Variants in LRP4 observed in about 807,000 individuals in gnomAD.
The protein encoded by LRP4 is low-density lipoprotein receptor-related protein 4.
A neutral mutation model predicts 220.3 loss-of-function variants in LRP4; 95 were observed. The observed-to-expected ratio is 0.43, with a 90% confidence interval of 0.37 to 0.51. The LOEUF (loss-of-function observed/expected upper bound fraction) is 0.51. Among genes scored for constraint, LRP4 ranks in the 20% least tolerant of loss-of-function variants. The pLI is 0.00. For synonymous variants in LRP4, 903 were observed against 954.6 expected (o/e 0.95, Z 1.00); for missense variants, 1,925 against 2,567.0 (o/e 0.75, Z 5.40).
intron 9 of LRP4, 52 bp downstream of exon 9, chr11:46,896,158 G>C: frequency 2.5e-6 from 4 of 1,611,240 alleles, no homozygotes; most frequent in Non-Finnish European, 3.4e-6. Context: ...AACCCTATGG[G>C]TGGGGTTCGG....
In LRP4 at chr11:46,902,839, T is replaced by G. The variant is rs1309344878; in HGVS notation, c.143A>C (p.Gln48Pro). The G allele has an allele frequency of 1.2e-6, 2 of 1,613,986 alleles. No homozygotes were observed. Among genetic ancestry groups the G allele is most frequent in the Non-Finnish European group, 1.7e-6 (2 of 1,180,034 alleles). The part of the protein sequence containing the change: ...ALGECTCIPA[Q>P]WQCDGDNDCG... The stretch of plus-strand genomic sequence containing the variant: ...GTCATTGTCTCCATCACACTGCCAC[T>G]GGGCAGGGATGCAGGTACACTCTCC... The change falls in exon 2 of 38, where the codon CAG (glutamine) becomes CCG (proline). Residue 48 changes from glutamine (Q) to proline (P), a missense_variant. This residue lies in a region of LRP4 where 412 missense variants were observed against 505.4 expected (regional missense o/e 0.82). Transcript: ENST00000378623.
At position 46,899,460 on chromosome 11, in the gene LRP4, T is replaced by C. The variant is rs747328107; in HGVS notation, c.474A>G (p.Gly158=). The C allele has an allele frequency of 8.1e-6, 13 of 1,614,008 alleles. No homozygotes were observed. Among genetic ancestry groups the C allele is most frequent in the Non-Finnish European group, 8.5e-6 (10 of 1,180,026 alleles). ...AGTACCAATGCTCAGCAATGCAGCT[T>C]CCGTCACTACAGCGGAACTCCTTGT... The part of the protein sequence containing the change: ...CSDKEFRCSD[G]SCIAEHWYCD... The change falls in exon 5 of 38, where the codon GGA becomes GGG. Residue 158 remains glycine (G), a synonymous_variant. Transcript: ENST00000378623. This position sits in a 1 kb window ranked among gnomAD's most constrained non-coding sequence, Gnocchi z 5.9.
intron 22 of LRP4, 68 bp from the exon 23 acceptor site, chr11:46,877,407 A>T: frequency 6.5e-7 from 1 of 1,527,414 alleles, no homozygotes; most frequent in Non-Finnish European, 9.1e-7. Flanking sequence ...GAATCAGGCA[A>T]ACTGAAACTC....
chr11:46,865,972 C>A (rs950126149), intron 34 of LRP4, among the ~76,000 whole-genome samples: 3 of 152,160 alleles, frequency 2.0e-5, no homozygotes, highest in African/African-American at 7.2e-5. Flanking sequence ...GGGCACACAG[C>A]ATATGAATTT....
chr11:46,916,294 G>A (rs576456385), intron 1 of LRP4, among the ~76,000 whole-genome samples: 125 of 152,118 alleles, frequency 8.2e-4, no homozygotes, highest in African/African-American at 2.9e-3. Context: ...ACAAAAATTT[G>A]TAGGGTATGG....
Position 46,879,231 on chromosome 11 carries a change from T to C in LRP4, c.2899A>G (p.Ser967Gly), listed in dbSNP as rs781238429. 3.1e-6 allele frequency: 5 copies of C among 1,614,120 alleles called. No individual in the cohort carries two copies. The highest frequency in any genetic ancestry group is 4.2e-6 in the Non-Finnish European group (5 of 1,180,060). The change falls in exon 21 of 38, where the codon AGC becomes GGC. Residue 967 changes from serine to glycine, a missense_variant. Coordinates refer to ENST00000378623, the MANE Select transcript of LRP4 (RefSeq NM_002334.4). ...RIYWTDWQTKSIQSADRLTGL... is the reference protein window; with the variant it reads ...RIYWTDWQTKGIQSADRLTGL... ...GTCAGCCGGTCAGCGCTCTGTATGC[T>C]CTTGGTCTGCCAGTCAGTCCAATAG... is the stretch of plus-strand genomic sequence containing the variant.
chr11:46,871,446 T>C (rs1223166167), intron 31 of LRP4, 79 bp downstream of exon 31: 1 of 969,718 alleles, frequency 1.0e-6, no homozygotes, highest in Non-Finnish European at 1.6e-6. Context: ...GTAGCAGCTA[T>C]AGCTGAGACT....
chr11:46,898,438 G>A, intron 7 of LRP4, 120 bp downstream of exon 7: 2 of 1,348,350 alleles, frequency 1.5e-6, no homozygotes, highest in Non-Finnish European at 2.1e-6. Flanking sequence ...CACCCACCTT[G>A]GTCTCCCAAA....
At chr11:46,878,745 C>A (rs935191815) in intron 22 of LRP4, among the ~76,000 whole-genome samples, 162 bp downstream of exon 22, 3 of 152,186 alleles carry the variant, frequency 2.0e-5, no homozygotes, top group Admixed American at 6.5e-5. Flanking sequence ...TCTCCCCAGG[C>A]CCGTCCCCTT....
At chr11:46,864,600 G>A (rs1940647198) in intron 35 of LRP4, 65 bp from the exon 36 acceptor site, 2 of 1,109,536 alleles carry the variant, frequency 1.8e-6, no homozygotes, top group Non-Finnish European at 2.8e-6. Context: ...CTGGTGTGAG[G>A]AATGGAAAGC....
intron 30 of LRP4, among the ~76,000 whole-genome samples, chr11:46,872,205 G>A (rs1423080604): frequency 3.3e-5 from 5 of 152,212 alleles, no homozygotes; most frequent in African/African-American, 9.6e-5. Context: ...GCAGTGAGCC[G>A]AGATCGTGCG....
chr11:46,864,901 G>T (rs1180598951), intron 35 of LRP4, among the ~76,000 whole-genome samples: 1 of 152,198 alleles, frequency 6.6e-6, no homozygotes, highest in Non-Finnish European at 1.5e-5. Flanking sequence ...CACATATAAT[G>T]TGGCATATAT....
Position 46,879,213 on chromosome 11 carries a change from G to T in LRP4, c.2917C>A (p.Arg973=). The change falls in exon 21 of 38, where the codon CGG becomes AGG. Residue 973 remains arginine (R), a synonymous_variant. Transcript: ENST00000378623. ...WQTKSIQSAD[R]LTGLDRETLQ... ...GTCTCCCGGTCCAGCCCTGTCAGCC[G>T]GTCAGCGCTCTGTATGCTCTTGGTC... is the stretch of plus-strand genomic sequence containing the variant. The T allele has an allele frequency of 1.2e-6, 2 of 1,614,192 alleles. No individual in the cohort carries two copies. The highest frequency in any genetic ancestry group is 1.7e-6 in the Non-Finnish European group (2 of 1,180,034).
chr11:46,906,409 T>A (rs1941760389), intron 1 of LRP4, among the ~76,000 whole-genome samples: 1 of 149,030 alleles, frequency 6.7e-6, no homozygotes, highest in Non-Finnish European at 1.5e-5. Flanking sequence ...TGAGCAGAGA[T>A]CACGCCACTG....
intron 1 of LRP4, among the ~76,000 whole-genome samples, chr11:46,904,018 C>T (rs889384744): frequency 2.0e-5 from 3 of 152,236 alleles, no homozygotes; most frequent in Non-Finnish European, 4.4e-5. Context: ...GTGAATGGCT[C>T]AGTGCCCTGC....
At chr11:46,911,938 G>A (rs1008293332) in intron 1 of LRP4, among the ~76,000 whole-genome samples, 1 of 150,534 alleles carries the variant, frequency 6.6e-6, no homozygotes, top group African/African-American at 2.4e-5. Context: ...TGCCTCCCAG[G>A]TTCAAGCGAT....
chr11:46,862,068 C>CAAAAAAAAA (rs35296081), intron 37 of LRP4, among the ~76,000 whole-genome samples: 4 of 63,710 alleles, frequency 6.3e-5, no homozygotes, highest in Non-Finnish European at 6.0e-5. Context: ...AACTCTGTCT[C>CAAAAAAAAA]AAAAAAAAAA....
rs1464734587 is a variant in LRP4, at chr11:46,911,834, G to A, written c.52+6494C>T. ...AGCCTGTTTCCCATCTGTAAGATGG[G>A]AATCTTCTTTTTTTTTTTTTTTTTT... On this transcript the variant is annotated intron_variant, in intron 1 of 37. Coordinates refer to ENST00000378623, the MANE Select transcript of LRP4 (RefSeq NM_002334.4). Among the ~76,000 whole-genome samples the A allele has an allele frequency of 2.1e-5, 3 of 142,306 alleles. No individual in the cohort carries two copies. The East Asian group carries it at 6.1e-4, about 29-fold the overall frequency. 93.4% of individuals were successfully genotyped at this position (142,306 alleles called of 152,430 possible).
In LRP4 at chr11:46,868,587, C is replaced by G. The variant is rs367744491; in HGVS notation, c.4951+13G>C. 260 of 1,591,262 alleles carry G rather than the reference C, an allele frequency of 1.6e-4. 1 individual carries two copies. The African/African-American group carries it at 2.3e-3, about 14-fold the overall frequency. On this transcript the variant is annotated intron_variant, in intron 33 of 37. Coordinates refer to ENST00000378623, the MANE Select transcript of LRP4 (RefSeq NM_002334.4). ...GCTCTGCCGAGTGGCTCCAGCCATACAGTCCAACTCACCAAGGGAGCAGGG... is the reference window on the plus strand; with the variant it reads ...GCTCTGCCGAGTGGCTCCAGCCATAGAGTCCAACTCACCAAGGGAGCAGGG...
Sources: allele counts gnomAD v4.1 joint callset (sites outside exome capture counted in the v4.1 genomes callset), GRCh38; gene constraint gnomAD v4.1.1; regional missense constraint gnomAD v4.1.1; non-coding constraint Gnocchi (gnomAD v3.1); transcripts MANE v1.5; gene names NCBI Gene and HGNC (gene_info 2026-07-23, HGNC 2026-07-21).